Variants in EXOC4 observed in about 807,000 individuals in gnomAD.
EXOC4 encodes the protein exocyst complex component 4.
EXOC4 carries 71 observed loss-of-function variants against 107.2 expected under a neutral mutation model. The ratio of observed to expected loss-of-function variants is 0.66; its 90% CI spans 0.55 to 0.81. The LOEUF is 0.81. Among genes scored for constraint, EXOC4 ranks in the 30% least tolerant of loss-of-function variants. The pLI is 0.00. For synonymous variants in EXOC4, 456 were observed against 441.2 expected (o/e 1.03, Z -0.42); for missense variants, 1,108 against 1,189.6 (o/e 0.93, Z 1.01).
At chr7:133,329,330 T>G (rs1795323913) in intron 5 of EXOC4, among the ~76,000 whole-genome samples, 1 of 152,178 alleles carries the variant, frequency 6.6e-6, no homozygotes, top group Non-Finnish European at 1.5e-5. Flanking sequence ...TAACCCTTTT[T>G]CAAGGCTTTT....
intron 6 of EXOC4, among the ~76,000 whole-genome samples, chr7:133,371,936 C>T (rs960903541): frequency 4.6e-5 from 7 of 152,034 alleles, no homozygotes; most frequent in Admixed American, 3.3e-4. Flanking sequence ...CCTAGTGGAC[C>T]GAAATTCTAG....
chr7:133,973,259 A>G (rs868766519), intron 14 of EXOC4, among the ~76,000 whole-genome samples: 3 of 152,182 alleles, frequency 2.0e-5, no homozygotes, highest in South Asian at 2.1e-4. Flanking sequence ...TATAATTGGA[A>G]TATATGATGT....
At chr7:133,622,782 C>T (rs908103476) in intron 9 of EXOC4, among the ~76,000 whole-genome samples, 7 of 152,066 alleles carry the variant, frequency 4.6e-5, no homozygotes, top group East Asian at 1.9e-4. Flanking sequence ...TTCAGTACTC[C>T]GTTTTAGACT....
intron 17 of EXOC4, among the ~76,000 whole-genome samples, chr7:134,041,196 A>G (rs1311947175): frequency 2.0e-5 from 3 of 152,148 alleles, no homozygotes; most frequent in African/African-American, 4.8e-5. Flanking sequence ...TCAGCAAAAT[A>G]TATATATCAT....
At chr7:133,312,208 GTGATAA>G (rs1794888568) in intron 4 of EXOC4, among the ~76,000 whole-genome samples, 1 of 152,124 alleles carries the variant, frequency 6.6e-6, no homozygotes, top group Admixed American at 6.6e-5. Flanking sequence ...CAGAATTTCA[GTGATAA>G]TGATCTCTAT....
intron 14 of EXOC4, among the ~76,000 whole-genome samples, chr7:133,977,565 A>G (rs1793867708): frequency 6.6e-6 from 1 of 152,216 alleles, no homozygotes; most frequent in Non-Finnish European, 1.5e-5. Context: ...GCTCACAGCT[A>G]GAGAGTGGAG....
intron 14 of EXOC4, among the ~76,000 whole-genome samples, chr7:133,952,658 C>T (rs758636291): frequency 6.6e-6 from 1 of 152,138 alleles, no homozygotes; most frequent in Non-Finnish European, 1.5e-5. Context: ...TTTCTCCTTC[C>T]CTCCAGCCCT....
intron 11 of EXOC4, among the ~76,000 whole-genome samples, chr7:133,820,520 T>C (rs1486782168): frequency 1.3e-5 from 2 of 152,320 alleles, no homozygotes; most frequent in Middle Eastern, 3.4e-3. Context: ...GAATAAGAAA[T>C]AATTCTCAAA....
intron 6 of EXOC4, among the ~76,000 whole-genome samples, chr7:133,361,269 C>T (rs893599927): frequency 6.6e-6 from 1 of 152,068 alleles, no homozygotes; most frequent in African/African-American, 2.4e-5. Context: ...TTGCTTACCT[C>T]TGTATTGATT....
At chr7:133,575,269 A>G (rs1281295891) in intron 9 of EXOC4, among the ~76,000 whole-genome samples, 2 of 152,116 alleles carry the variant, frequency 1.3e-5, no homozygotes, top group Non-Finnish European at 2.9e-5. Context: ...GGTTCATTCT[A>G]TATACTGTAT....
At chr7:133,695,840 T>C (rs957387126) in intron 10 of EXOC4, among the ~76,000 whole-genome samples, 2 of 152,212 alleles carry the variant, frequency 1.3e-5, no homozygotes, top group Admixed American at 1.3e-4. Context: ...TTATGTTGTA[T>C]GAATCAAATG....
intron 4 of EXOC4, among the ~76,000 whole-genome samples, chr7:133,311,115 C>T (rs917433607): frequency 1.3e-5 from 2 of 152,042 alleles, no homozygotes; most frequent in Non-Finnish European, 2.9e-5. Flanking sequence ...TGAGACTGTC[C>T]TTGTTCTTAG....
rs532304693 is a variant in EXOC4, at chr7:133,582,038, C to T, written c.1418-48007C>T. On this transcript the variant is annotated intron_variant, in intron 9 of 17. Transcript: ENST00000253861. Reference sequence around the variant, plus strand: ...TCTGCCCCCATGATTTAATCACCCCCTACCAGGCCCCTCCCCTGACATGTG... The same window carrying T: ...TCTGCCCCCATGATTTAATCACCCCTTACCAGGCCCCTCCCCTGACATGTG... 7.2e-5 allele frequency among the ~76,000 whole-genome samples: 11 copies of T among 152,172 alleles called. No homozygotes were observed. In the South Asian group the frequency reaches 8.3e-4, roughly 11 times the overall value.
intron 9 of EXOC4, among the ~76,000 whole-genome samples, chr7:133,508,715 T>G (rs938608199): frequency 6.6e-6 from 1 of 151,878 alleles, no homozygotes; most frequent in Admixed American, 6.6e-5. Context: ...TCCATTTGGG[T>G]TTTATGCATG....
At chr7:133,634,891 AAAATACAG>A (rs1420544680) in intron 10 of EXOC4, among the ~76,000 whole-genome samples, 1 of 152,188 alleles carries the variant, frequency 6.6e-6, no homozygotes, top group Non-Finnish European at 1.5e-5. Context: ...TACTTTCCCT[AAAATACAG>A]ACTCTGAAAA....
rs1348564810 is a variant in EXOC4, at chr7:133,755,253, TTA to T, written c.1515-62062_1515-62061del. Among the ~76,000 whole-genome samples the T allele has an allele frequency of 4.4e-3, 439 of 99,988 alleles. 5 individuals carry two copies. The highest frequency in any genetic ancestry group is 9.2e-3 in the African/African-American group (201 of 21,878). 65.6% of individuals were successfully genotyped at this position (99,988 alleles called of 152,430 possible). ...ATATATAATATATATAATATATATA[TTA>T]TATATATATTATATATATTATATAT... On this transcript the variant is annotated intron_variant, in intron 10 of 17. Transcript: ENST00000253861.
chr7:133,649,104 A>G (rs1803068656), intron 10 of EXOC4, among the ~76,000 whole-genome samples: 1 of 152,138 alleles, frequency 6.6e-6, no homozygotes. Context: ...TTCTTGAGCT[A>G]TTATTTTAAA....
At chr7:134,080,767 C>G in the EXOC4 span, among the ~76,000 whole-genome samples, 1 of 151,728 alleles carries the variant, frequency 6.6e-6, no homozygotes, top group Non-Finnish European at 1.5e-5. Context: ...TAGCAAGACC[C>G]TATCTTAAAA....
intron 2 of EXOC4, among the ~76,000 whole-genome samples, chr7:133,281,951 A>T (rs1000499177): frequency 1.3e-5 from 2 of 152,056 alleles, no homozygotes; most frequent in Admixed American, 1.3e-4. Flanking sequence ...AATCTGCCCA[A>T]CTTGGCCTCC....
Sources: allele counts gnomAD v4.1 joint callset (sites outside exome capture counted in the v4.1 genomes callset), GRCh38; gene constraint gnomAD v4.1.1; transcripts MANE v1.5; gene names NCBI Gene and HGNC (gene_info 2026-07-23, HGNC 2026-07-21).